Variants in DLGAP1 observed in about 807,000 individuals in gnomAD.
DLGAP1 encodes disks large-associated protein 1.
In DLGAP1, 11 loss-of-function variants were observed where a neutral mutation model predicts 90.8. The ratio of observed to expected loss-of-function variants is 0.12; its 90% CI spans 0.08 to 0.20. The LOEUF is 0.20. Ranked by LOEUF, DLGAP1 falls within the 10% of genes least tolerant of loss-of-function variation. The probability of loss-of-function intolerance (pLI) is 1.00; values close to 1 mark genes in which losing one functional copy is unlikely to be tolerated. For synonymous variants in DLGAP1, 558 were observed against 540.7 expected, an observed-to-expected ratio of 1.03 and a Z score of -0.44; for missense variants, 1,050 against 1,333.8, an observed-to-expected ratio of 0.79 and a Z score of 3.31.
rs113453447 is a variant in DLGAP1 at position 4,265,468 on chromosome 18, C to CCCTT, written c.-266-114185_-266-114182dup. Among the ~76,000 whole-genome samples the CCCTT allele has an allele frequency of 9.1e-4, 127 of 139,180 alleles. 1 individual carries two copies. The highest frequency in any genetic ancestry group is 6.1e-3 in the East Asian group (28 of 4,614). The allele number at this position is 139,180 out of a possible 152,430, so 91.3% of individuals were successfully genotyped here. The stretch of plus-strand genomic sequence containing the variant: ...ACAGGTGTGAGCCACTGCACCCAGC[C>CCCTT]CCTTCCTTCCTTCCTTCCTTTCCTT... On this transcript the variant is annotated intron_variant, in intron 1 of 12. Transcript: ENST00000315677.
chr18:3,712,317 C>T (rs371331916), intron 7 of DLGAP1, among the ~76,000 whole-genome samples: 6 of 152,274 alleles, frequency 3.9e-5, no homozygotes, highest in South Asian at 2.1e-4. Flanking sequence ...CAGCGTTTGC[C>T]GCGGGGCTTG....
Position 3,501,962 on chromosome 18 carries a change from A to C in DLGAP1, c.2724+531T>G, listed in dbSNP as rs1467100579. ...CAAAACTGTTTTGAAAAAAAAAAAA[A>C]AAAAAAACCCAACATTTATGTAATT... On this transcript the variant is annotated intron_variant, in intron 12 of 12. Transcript: ENST00000315677. Among the ~76,000 whole-genome samples, 16 of 152,094 alleles carry C rather than the reference A, an allele frequency of 1.1e-4. 3 individuals are homozygous for C. The highest frequency in any genetic ancestry group is 2.2e-4 in the African/African-American group (9 of 41,534).
intron 1 of DLGAP1, among the ~76,000 whole-genome samples, chr18:4,311,815 A>T (rs1424879964): frequency 6.6e-6 from 1 of 152,144 alleles, no homozygotes; most frequent in Non-Finnish European, 1.5e-5. Flanking sequence ...TCCCGGGTTC[A>T]AGCAATTCTC....
chr18:4,400,151 C>A (rs922773535), intron 1 of DLGAP1, among the ~76,000 whole-genome samples: 4 of 152,228 alleles, frequency 2.6e-5, no homozygotes, highest in African/African-American at 9.6e-5. Flanking sequence ...GGGACATCCA[C>A]CTGCAGCACG....
intron 7 of DLGAP1, among the ~76,000 whole-genome samples, chr18:3,641,586 T>TACACACACACACAC (rs61136246): frequency 1.5e-5 from 2 of 135,492 alleles, no homozygotes; most frequent in African/African-American, 2.8e-5. Context: ...CATATATATA[T>TACACACACACACAC]ACACACACAC....
intron 1 of DLGAP1, among the ~76,000 whole-genome samples, chr18:4,364,174 T>C (rs1423465255): frequency 6.9e-6 from 1 of 144,258 alleles, no homozygotes; most frequent in Non-Finnish European, 1.5e-5. Context: ...CCAAACACCA[T>C]ATGTTCTCAC....
chr18:3,611,143 A>AG (rs1241660348), intron 7 of DLGAP1, among the ~76,000 whole-genome samples: 19 of 151,816 alleles, frequency 1.3e-4, no homozygotes, highest in African/African-American at 4.6e-4. Flanking sequence ...AAAAAAAAAA[A>AG]GTGTATACTT....
intron 1 of DLGAP1, among the ~76,000 whole-genome samples, chr18:4,255,165 G>A (rs571612963): frequency 6.6e-5 from 10 of 152,222 alleles, no homozygotes; most frequent in Middle Eastern, 3.4e-3. Flanking sequence ...GGAAAAGAGC[G>A]CACAGTCAAG....
chr18:4,016,667 T>TA (rs140377568), intron 2 of DLGAP1, among the ~76,000 whole-genome samples: 37,902 of 151,988 alleles, frequency 0.25, 5,192 homozygotes, highest in Non-Finnish European at 0.32. Context: ...TTCCTTGAAT[T>TA]AAAAAAAATC....
At chr18:3,874,558 T>A in intron 4 of DLGAP1, 1 of 1,485,238 alleles carries the variant, frequency 6.7e-7, no homozygotes, top group Non-Finnish European at 8.9e-7. Flanking sequence ...AAAACCACCT[T>A]TTATTCTATC....
Position 4,156,679 on chromosome 18 carries a change from G to C in DLGAP1, c.-266-5392C>G, listed in dbSNP as rs1280767873. Among the ~76,000 whole-genome samples the C allele has an allele frequency of 2.0e-5, 3 of 152,172 alleles. No individual in the cohort carries two copies. In the East Asian group the frequency reaches 5.8e-4, roughly 29 times the overall value. On this transcript the variant is annotated intron_variant, in intron 1 of 12. Coordinates refer to ENST00000315677, the MANE Select transcript of DLGAP1 (RefSeq NM_004746.4). ...TTGGATAGGAGATGAAAGGTCTAAA[G>C]AGAAAGTGAAAACTGAACAGATATG...
intron 1 of DLGAP1, among the ~76,000 whole-genome samples, chr18:4,223,234 T>C (rs928734169): frequency 2.6e-5 from 4 of 152,190 alleles, no homozygotes; most frequent in South Asian, 2.1e-4. Context: ...AATAAACATA[T>C]AAAAATACAT....
intron 3 of DLGAP1, among the ~76,000 whole-genome samples, chr18:3,892,867 G>A (rs566520845): frequency 8.1e-5 from 12 of 147,648 alleles, no homozygotes; most frequent in Non-Finnish European, 1.8e-4. Context: ...TTCTCCTCTG[G>A]CTTTTTATAT....
chr18:4,295,465 GC>G (rs1276478511), intron 1 of DLGAP1: 3 of 152,124 alleles, frequency 2.0e-5, no homozygotes, highest in Admixed American at 2.0e-4. Context: ...ACAATGTCTA[GC>G]ACTTAGAAGC....
intron 5 of DLGAP1, among the ~76,000 whole-genome samples, chr18:3,761,829 C>T (rs931303028): frequency 6.6e-6 from 1 of 152,202 alleles, no homozygotes; most frequent in African/African-American, 2.4e-5. Flanking sequence ...CAGCCTCAGC[C>T]TCCCAAAGTG....
chr18:3,693,091 A>G (rs748984250), intron 7 of DLGAP1, among the ~76,000 whole-genome samples: 7 of 152,110 alleles, frequency 4.6e-5, no homozygotes, highest in Non-Finnish European at 7.4e-5. Flanking sequence ...GAGGCAAACT[A>G]TATTTTCTTT....
At chr18:4,143,405 C>T (rs1181927891) in intron 2 of DLGAP1, among the ~76,000 whole-genome samples, 1 of 151,802 alleles carries the variant, frequency 6.6e-6, no homozygotes, top group East Asian at 2.0e-4. Context: ...CTGCCCAAGG[C>T]CCGTGATGAG....
chr18:4,014,682 G>GTA (rs1439140658), intron 2 of DLGAP1, among the ~76,000 whole-genome samples: 5 of 152,084 alleles, frequency 3.3e-5, no homozygotes, highest in Non-Finnish European at 5.9e-5. Context: ...TACAACTGTT[G>GTA]TATATTAATA....
chr18:4,279,380 A>T (rs1255053521), intron 1 of DLGAP1, among the ~76,000 whole-genome samples: 1 of 152,244 alleles, frequency 6.6e-6, no homozygotes, highest in African/African-American at 2.4e-5. Flanking sequence ...CATTTTAGAT[A>T]CACCAAGTAA....
Sources: allele counts gnomAD v4.1 joint callset (sites outside exome capture counted in the v4.1 genomes callset), GRCh38; gene constraint gnomAD v4.1.1; transcripts MANE v1.5; gene names NCBI Gene and HGNC (gene_info 2026-07-23, HGNC 2026-07-21).